The following CPA6 variants were observed in gnomAD, a reference collection of about 807,000 sequenced individuals.
CPA6 encodes the protein carboxypeptidase B.
CPA6 carries 58 observed loss-of-function variants against 63.3 expected under a neutral mutation model. The observed-to-expected ratio is 0.92, with a 90% confidence interval of 0.74 to 1.14. The LOEUF is 1.14. Among genes scored for constraint, CPA6 ranks in the 50% most tolerant of loss-of-function variants. CPA6 has a pLI of 0.00. For synonymous variants in CPA6, 185 were observed against 179.0 expected (o/e 1.03, Z -0.27); for missense variants, 565 against 526.6 (o/e 1.07, Z -0.71).
At chr8:67,497,112 C>T (rs572035944) in intron 6 of CPA6, among the ~76,000 whole-genome samples, 3 of 152,106 alleles carry the variant, frequency 2.0e-5, no homozygotes, top group African/African-American at 4.8e-5. Context: ...TATTGAGATA[C>T]GATTCACAGA....
intron 1 of CPA6, among the ~76,000 whole-genome samples, chr8:67,742,582 A>T (rs1817933178): frequency 6.6e-6 from 1 of 152,240 alleles, no homozygotes; most frequent in Non-Finnish European, 1.5e-5. Flanking sequence ...GTTTATATTA[A>T]GTCTTGGTAA....
At chr8:67,433,719 T>C (rs1587419231) in intron 9 of CPA6, among the ~76,000 whole-genome samples, 1 of 152,220 alleles carries the variant, frequency 6.6e-6, no homozygotes, top group African/African-American at 2.4e-5. Flanking sequence ...ATGATTGTAT[T>C]TGAGAAGCAG....
chr8:67,479,929 T>C (rs1811321385), intron 8 of CPA6, among the ~76,000 whole-genome samples: 1 of 151,760 alleles, frequency 6.6e-6, no homozygotes, highest in Admixed American at 6.6e-5. Context: ...CTCCAGATGA[T>C]CTACCCAAAT....
intron 3 of CPA6, among the ~76,000 whole-genome samples, chr8:67,515,352 A>C (rs1794277420): frequency 6.6e-6 from 1 of 152,064 alleles, no homozygotes; most frequent in Non-Finnish European, 1.5e-5. Flanking sequence ...TGCCCACTGG[A>C]GTCTCCCTTC....
At chr8:67,500,744 C>T (rs1470659042) in intron 6 of CPA6, among the ~76,000 whole-genome samples, 4 of 149,466 alleles carry the variant, frequency 2.7e-5, no homozygotes, top group Admixed American at 6.7e-5. Flanking sequence ...AGACTCATAC[C>T]ATATACAAAA....
At chr8:67,634,110 C>T (rs1312408508) in intron 1 of CPA6, among the ~76,000 whole-genome samples, 2 of 148,158 alleles carry the variant, frequency 1.3e-5, no homozygotes, top group African/African-American at 5.3e-5. Flanking sequence ...TCCTAATCCA[C>T]TAGTGTTAAA....
At chr8:67,484,892 T>G in intron 6 of CPA6, 103 bp from the exon 7 acceptor site, 1 of 575,230 alleles carries the variant, frequency 1.7e-6, no homozygotes, top group Non-Finnish European at 3.1e-6. Context: ...AATACGGTGG[T>G]TTAAAAAGTC....
chr8:67,471,777 C>T (rs962084892), intron 8 of CPA6, among the ~76,000 whole-genome samples: 8 of 152,080 alleles, frequency 5.3e-5, no homozygotes, highest in Non-Finnish European at 1.0e-4. Context: ...AAAGTTACTT[C>T]ATAAGGAGTT....
intron 6 of CPA6, among the ~76,000 whole-genome samples, chr8:67,493,325 T>G (rs992483996): frequency 6.6e-6 from 1 of 152,130 alleles, no homozygotes; most frequent in Admixed American, 6.6e-5. Context: ...ATAATGAGAC[T>G]GAAAGAAATG....
intron 2 of CPA6, among the ~76,000 whole-genome samples, chr8:67,552,502 G>A (rs929937994): frequency 7.2e-5 from 11 of 152,018 alleles, no homozygotes; most frequent in South Asian, 4.1e-4. Context: ...GGCCGGGCAC[G>A]GTGGCTCATG....
intron 1 of CPA6, among the ~76,000 whole-genome samples, chr8:67,648,443 C>T (rs1029649772): frequency 6.6e-5 from 10 of 152,192 alleles, no homozygotes; most frequent in Non-Finnish European, 1.3e-4. Flanking sequence ...ACTGCCAGCT[C>T]CAGACTTACT....
intron 1 of CPA6, among the ~76,000 whole-genome samples, chr8:67,640,940 G>T (rs1815578201): frequency 6.6e-6 from 1 of 151,680 alleles, no homozygotes; most frequent in Admixed American, 6.6e-5. Context: ...CAGGGAGTGA[G>T]GTTGAGGCAG....
intron 1 of CPA6, among the ~76,000 whole-genome samples, chr8:67,627,366 A>G (rs1228171622): frequency 6.6e-6 from 1 of 152,222 alleles, no homozygotes; most frequent in East Asian, 1.9e-4. Flanking sequence ...ACTGGAACTT[A>G]GAAAAACTAA....
chr8:67,638,115 T>C (rs992529590), intron 1 of CPA6, among the ~76,000 whole-genome samples: 4 of 151,276 alleles, frequency 2.6e-5, no homozygotes, highest in African/African-American at 9.9e-5. Context: ...AAGCTAACAC[T>C]GGGGCCAGTG....
In CPA6 at chr8:67,489,532, GAC is replaced by G. The variant is rs1238010342; in HGVS notation, c.637-4745_637-4744del. On this transcript the variant is annotated intron_variant, in intron 6 of 10. Transcript: ENST00000297770. ...TTTTTTTTTAAAATAAATGATTTCT[GAC>G]ACTGTATTACAGTTAGAGAATGTGA... Among the ~76,000 whole-genome samples, 125 of 151,722 alleles carry G rather than the reference GAC, an allele frequency of 8.2e-4. No homozygotes were observed. The Middle Eastern group carries it at 0.017, about 21-fold the overall frequency.
intron 2 of CPA6, among the ~76,000 whole-genome samples, chr8:67,607,106 T>TTCCTCCTCC (rs1196391380): frequency 1.9e-4 from 15 of 77,804 alleles, no homozygotes; most frequent in African/African-American, 1.2e-3. Context: ...TTCTTCTTCT[T>TTCCTCCTCC]TCCTCCTCCT....
intron 2 of CPA6, among the ~76,000 whole-genome samples, chr8:67,596,500 A>G (rs1224869382): frequency 2.0e-5 from 3 of 149,548 alleles, no homozygotes; most frequent in Admixed American, 6.7e-5. Context: ...GCCTCTTTGT[A>G]GTTTCACTGT....
intron 10 of CPA6, among the ~76,000 whole-genome samples, chr8:67,426,505 A>G (rs1809888544): frequency 6.6e-6 from 1 of 152,136 alleles, no homozygotes; most frequent in East Asian, 1.9e-4. Flanking sequence ...ACATGAGACC[A>G]ATGATCATGG....
intron 2 of CPA6, among the ~76,000 whole-genome samples, chr8:67,526,494 C>A (rs536193555): frequency 6.6e-6 from 1 of 152,122 alleles, no homozygotes; most frequent in Non-Finnish European, 1.5e-5. Flanking sequence ...AACAGAGGAA[C>A]ATTATAGTCT....
Sources: gnomAD v4.1 joint callset for allele counts (sites outside exome capture counted in the v4.1 genomes callset) on GRCh38, gnomAD v4.1.1 for gene constraint, MANE v1.5 for transcripts, NCBI Gene and HGNC (gene_info 2026-07-23, HGNC 2026-07-21) for gene names.